Variants in ATP6V0C observed in about 807,000 individuals in gnomAD.
The protein encoded by ATP6V0C is V-type proton ATPase 16 kDa proteolipid subunit c.
In ATP6V0C, 2 loss-of-function variants were observed where a neutral mutation model predicts 10.6. That is an observed-to-expected ratio of 0.19 (90% CI 0.08 to 0.59). ATP6V0C has a LOEUF of 0.59. Among genes scored for constraint, ATP6V0C ranks in the 20% least tolerant of loss-of-function variants. The pLI, the probability that ATP6V0C is intolerant of heterozygous loss-of-function variation, is 0.90. For synonymous variants in ATP6V0C, 128 were observed against 101.3 expected (o/e 1.26, Z -1.59); for missense variants, 89 against 225.9 (o/e 0.39, Z 3.88).
chr16:2,514,255 C>T (rs914873292), intron 1 of ATP6V0C, 73 bp downstream of exon 1: 3 of 1,428,450 alleles, frequency 2.1e-6, no homozygotes, highest in Non-Finnish European at 2.8e-6. Context: ...CGCCGGGGTC[C>T]GGTGTGTGAC....
At chr16:2,515,495 C>G (rs2065872713) in intron 1 of ATP6V0C, among the ~76,000 whole-genome samples, 1 of 152,144 alleles carries the variant, frequency 6.6e-6, no homozygotes, top group Admixed American at 6.5e-5. Flanking sequence ...CTGGGCCTGT[C>G]TGCCATTCGT....
chr16:2,516,153 C>G (rs1041099513), intron 1 of ATP6V0C, among the ~76,000 whole-genome samples: 30 of 139,460 alleles, frequency 2.2e-4, no homozygotes, highest in Non-Finnish European at 3.5e-4. Flanking sequence ...TGCTCTGTTT[C>G]CCAGGCTGGA....
intron 1 of ATP6V0C, among the ~76,000 whole-genome samples, chr16:2,516,190 A>G (rs1455444347): frequency 6.9e-6 from 1 of 144,312 alleles, no homozygotes; most frequent in Non-Finnish European, 1.5e-5. Flanking sequence ...ATGGCTCACT[A>G]CAGCCTCAAC....
chr16:2,518,364 C>T (rs775127349), intron 1 of ATP6V0C, among the ~76,000 whole-genome samples: 1 of 152,236 alleles, frequency 6.6e-6, no homozygotes, highest in Non-Finnish European at 1.5e-5. Flanking sequence ...ACCCTGGAGC[C>T]CAGCCCACCA....
intron 1 of ATP6V0C, chr16:2,517,772 T>C (rs2065884707): frequency 6.6e-6 from 1 of 151,292 alleles, no homozygotes; most frequent in African/African-American, 2.4e-5. Flanking sequence ...AGATTCACTC[T>C]TGTTGTTTGT....
chr16:2,519,880 GC>G lies in ATP6V0C; in HGVS notation c.*138del. The G allele has an allele frequency of 8.2e-7, 1 of 1,223,150 alleles. No individual in the cohort carries two copies. Among genetic ancestry groups the G allele is most frequent in the Non-Finnish European group, 1.2e-6 (1 of 853,120 alleles). 75.8% of individuals were successfully genotyped at this position (1,223,150 alleles called of 1,614,324 possible). A position where few individuals can be genotyped will look rare whatever the true frequency, so the allele number is the denominator to read the frequency against. ...TCTTGTACATGCGCAGTGTCCTAGT[GC>G]CCATCGTCTGTTTCCCCGGCCTTGC... On this transcript the variant is annotated 3_prime_UTR_variant, in exon 3 of 3. Coordinates refer to ENST00000330398, the MANE Select transcript of ATP6V0C (RefSeq NM_001694.4).
intron 1 of ATP6V0C, chr16:2,516,618 C>T (rs2065878285): frequency 6.6e-6 from 1 of 152,504 alleles, no homozygotes; most frequent in Non-Finnish European, 1.5e-5. Flanking sequence ...CCACAAACCT[C>T]TTGCAGGCCC....
chr16:2,518,444 G>C (rs2065887909), intron 1 of ATP6V0C, among the ~76,000 whole-genome samples: 1 of 152,212 alleles, frequency 6.6e-6, no homozygotes. Flanking sequence ...CCCGTGTGCA[G>C]GGGAGACCTC....
chr16:2,515,583 C>T lies in ATP6V0C; in HGVS notation c.79+1401C>T, dbSNP rs140175349. Reference sequence around the variant, plus strand: ...AAGAAGTGGTCTAGACTTCTCCTTCCCCCTAGGCACCGCCTGCTCTTTCCA... The same window carrying T: ...AAGAAGTGGTCTAGACTTCTCCTTCTCCCTAGGCACCGCCTGCTCTTTCCA... On this transcript the variant is annotated intron_variant, in intron 1 of 2. Coordinates refer to ENST00000330398, the MANE Select transcript of ATP6V0C (RefSeq NM_001694.4). Among the ~76,000 whole-genome samples, 1,254 of 152,250 alleles carry T rather than the reference C, an allele frequency of 8.2e-3. 8 individuals carry two copies. The highest frequency in any genetic ancestry group is 0.027 in the Middle Eastern group (8 of 292).
Position 2,519,833 on chromosome 16 carries a change from GGCCGCC to G in ATP6V0C, c.*92_*97del. 1.3e-6 allele frequency: 2 copies of G among 1,514,386 alleles called. No individual in the cohort carries two copies. Among genetic ancestry groups the G allele is most frequent in the Non-Finnish European group, 1.8e-6 (2 of 1,097,730 alleles). The allele number at this position is 1,514,386 out of a possible 1,614,324, so 93.8% of individuals were successfully genotyped here. On this transcript the variant is annotated 3_prime_UTR_variant, in exon 3 of 3. Transcript: ENST00000330398. ...CGAACAGCCTGACACATACGCACGG[GGCCGCC>G]GCCCCCAGTAGTTGGTCTTGTACAT...
Position 2,514,031 on chromosome 16 carries a change from G to C in ATP6V0C, c.-73G>C, listed in dbSNP as rs1208729809. On this transcript the variant is annotated 5_prime_UTR_variant, in exon 1 of 3. Transcript: ENST00000330398. ...CCGCCGCCCGCCCGCAAACCTTCGT[G>C]CCCGGCCCGTCCTCGCCCCCGCCTC... is the stretch of plus-strand genomic sequence containing the variant. 10 of 1,409,206 alleles carry C rather than the reference G, an allele frequency of 7.1e-6. No homozygotes were observed. The highest frequency in any genetic ancestry group is 2.1e-5 in the Admixed American group (1 of 47,070). The allele number at this position is 1,409,206 out of a possible 1,614,324, so 87.3% of individuals were successfully genotyped here. A position where few individuals can be genotyped will look rare whatever the true frequency, so the allele number is the denominator to read the frequency against.
chr16:2,519,119 T>G, intron 1 of ATP6V0C, 99 bp from the exon 2 acceptor site: 1 of 1,338,830 alleles, frequency 7.5e-7, no homozygotes, highest in Non-Finnish European at 9.9e-7. Flanking sequence ...ATGTGATAAC[T>G]TGGGGTGGCC....
chr16:2,518,900 T>TG, intron 1 of ATP6V0C: 1 of 334,930 alleles, frequency 3.0e-6, no homozygotes, highest in African/African-American at 2.1e-5. Context: ...CTCCCTGGGG[T>TG]GACAGGTGGG....
At chr16:2,516,460 C>T (rs1404696497) in intron 1 of ATP6V0C, among the ~76,000 whole-genome samples, 1 of 152,204 alleles carries the variant, frequency 6.6e-6, no homozygotes, top group East Asian at 1.9e-4. Flanking sequence ...CCTCCAGGAC[C>T]TGGCTTCACC....
chr16:2,516,359 G>C (rs985183011), intron 1 of ATP6V0C, among the ~76,000 whole-genome samples: 2 of 152,018 alleles, frequency 1.3e-5, no homozygotes, highest in Non-Finnish European at 1.5e-5. Context: ...CGATCCACCT[G>C]CTTCTGCCTC....
intron 1 of ATP6V0C, 141 bp downstream of exon 1, chr16:2,514,323 CG>C: frequency 1.1e-6 from 1 of 906,968 alleles, no homozygotes; most frequent in Non-Finnish European, 1.5e-6. Context: ...TGACAGCGGG[CG>C]GGGGTCGGCG....
chr16:2,515,620 CT>C (rs904889493), intron 1 of ATP6V0C, among the ~76,000 whole-genome samples: 4 of 152,196 alleles, frequency 2.6e-5, no homozygotes, highest in African/African-American at 9.7e-5. Context: ...AGACTCAAGG[CT>C]TCTCCCAACA....
Position 2,519,910 on chromosome 16 carries a change from CGCCCG to C in ATP6V0C, c.*166_*170del. The stretch of plus-strand genomic sequence containing the variant: ...TCGTCTGTTTCCCCGGCCTTGCCCC[CGCCCG>C]CCCCGTGCCGTGGACATCTGGGCCC... On this transcript the variant is annotated 3_prime_UTR_variant, in exon 3 of 3. Transcript: ENST00000330398. 3.9e-6 allele frequency: 4 copies of C among 1,020,306 alleles called. No individual in the cohort carries two copies. Among genetic ancestry groups the C allele is most frequent in the African/African-American group, 1.6e-5 (1 of 62,896 alleles). The allele number at this position is 1,020,306 out of a possible 1,614,324, so 63.2% of individuals were successfully genotyped here.
intron 1 of ATP6V0C, chr16:2,517,814 T>C (rs2065885134): frequency 6.6e-6 from 1 of 152,266 alleles, no homozygotes; most frequent in African/African-American, 2.4e-5. Context: ...TCGCCCAGGC[T>C]GGAGTGCAGT....
Sources: allele counts gnomAD v4.1 joint callset (sites outside exome capture counted in the v4.1 genomes callset), GRCh38; gene constraint gnomAD v4.1.1; transcripts MANE v1.5; gene names NCBI Gene and HGNC (gene_info 2026-07-23, HGNC 2026-07-21).